PSMC2: variants seen among roughly 807,000 people sequenced by gnomAD.
PSMC2 encodes proteasome 26S subunit, ATPase 2, also known as 26S proteasome regulatory subunit 7.
PSMC2 carries 7 observed loss-of-function variants against 53.3 expected under a neutral mutation model. The ratio of observed to expected loss-of-function variants is 0.13; its 90% CI spans 0.07 to 0.25. The LOEUF is 0.25. Among genes scored for constraint, PSMC2 ranks in the 10% least tolerant of loss-of-function variants. The pLI, the probability that PSMC2 is intolerant of heterozygous loss-of-function variation, is 1.00. For synonymous variants in PSMC2, 169 were observed against 183.9 expected, an observed-to-expected ratio of 0.92 and a Z score of 0.66; for missense variants, 241 against 544.0, an observed-to-expected ratio of 0.44 and a Z score of 5.54.
rs1820827288 is a variant in PSMC2, at chr7:103,368,278, C to T, written c.*224C>T. ...GACCCACACCCGTTTAAGGATTTCACATCATACAAAGCGCTTGCTTAGATG... is the reference window on the plus strand; with the variant it reads ...GACCCACACCCGTTTAAGGATTTCATATCATACAAAGCGCTTGCTTAGATG... On this transcript the variant is annotated 3_prime_UTR_variant, in exon 12 of 12. Coordinates refer to ENST00000292644, the MANE Select transcript of PSMC2 (RefSeq NM_002803.4). 2.2e-6 allele frequency: 1 copy of T among 462,314 alleles called. No homozygotes were observed. Among genetic ancestry groups the T allele is most frequent in the Admixed American group, 3.8e-5 (1 of 25,992 alleles). 28.6% of individuals were successfully genotyped at this position (462,314 alleles called of 1,614,324 possible).
At position 103,367,186 on chromosome 7, in the gene PSMC2, G is replaced by A. The variant is rs1218555922; in HGVS notation, c.845-227G>A. On this transcript the variant is annotated intron_variant, in intron 9 of 11. Transcript: ENST00000292644. The surrounding 1 kb of genome is among the most constrained non-coding windows in gnomAD (Gnocchi z 6.1). The stretch of plus-strand genomic sequence containing the variant: ...AAAACACTAAACTGCCCCATAGGCA[G>A]TTTAAAAAACGTTAAGTAAATCTGT... Among the ~76,000 whole-genome samples, 1 of 152,152 alleles carries A rather than the reference G, an allele frequency of 6.6e-6. No homozygotes were observed. Among genetic ancestry groups the A allele is most frequent in the Middle Eastern group, 3.2e-3 (1 of 316 alleles).
At chr7:103,348,770 A>G in intron 1 of PSMC2, 1 of 1,027,428 alleles carries the variant, frequency 9.7e-7, no homozygotes, top group Non-Finnish European at 1.5e-6. Context: ...AAGTTGGACT[A>G]AGTGATCTTC....
intron 7 of PSMC2, 114 bp downstream of exon 7, chr7:103,363,553 T>G (rs1820530623): frequency 1.3e-5 from 12 of 917,860 alleles, no homozygotes. Context: ...TAATGAGAGT[T>G]TTTTGAGAGG....
At chr7:103,352,786 G>A (rs1819794432) in intron 1 of PSMC2, 1 of 776,424 alleles carries the variant, frequency 1.3e-6, no homozygotes, top group Non-Finnish European at 2.4e-6. Context: ...GAAGTGTTAA[G>A]TGACTTGGCT....
At chr7:103,365,967 G>A (rs1444211212) in intron 8 of PSMC2, 109 bp from the exon 9 acceptor site, 1 of 848,260 alleles carries the variant, frequency 1.2e-6, no homozygotes, top group Admixed American at 2.7e-5. Context: ...GTAATAATGG[G>A]TGAGAATACT....
intron 1 of PSMC2, among the ~76,000 whole-genome samples, chr7:103,350,314 A>G (rs1170523528): frequency 6.6e-6 from 1 of 152,180 alleles, no homozygotes; most frequent in Admixed American, 6.5e-5. Context: ...AGTTTTGTCT[A>G]ATAAATTCTG....
In PSMC2 at chr7:103,364,267, G is replaced by A; in HGVS notation, c.716G>A (p.Arg239Gln). Residue 239 changes from arginine (R) to glutamine (Q), a missense_variant, in exon 8 of 12, where the codon CGA (arginine) becomes CAA (glutamine). By Grantham distance (43) the Arg-to-Gln change is conservative (BLOSUM62 1). This residue lies in a region of PSMC2 where 26 missense variants were observed against 104.7 expected (regional missense o/e 0.25). Coordinates refer to ENST00000292644, the MANE Select transcript of PSMC2 (RefSeq NM_002803.4). ...AATCGGACTGATGCGTGCTTCATTC[G>A]AGTTATTGGATCTGAGCTTGTACAG... ...VANRTDACFI[R>Q]VIGSELVQKY... 1 of 1,614,178 alleles carries A rather than the reference G, an allele frequency of 6.2e-7. No homozygotes were observed.
In PSMC2 at chr7:103,367,613, G is replaced by C; in HGVS notation, c.1045G>C (p.Glu349Gln). ...AATTGAATTTAGCTTGCCCGATCTA[G>C]AGGTAAGAAAACCATTTCATTTTAG... ...RKIEFSLPDL[E>Q]GRTHIFKIHA... The change falls in exon 10 of 12, where the codon GAG becomes CAG. Residue 349 changes from glutamate to glutamine, a missense_variant and splice_region_variant. Glu to Gln is a conservative substitution (Grantham distance 29). Around this residue, in one of 6 missense-constraint regions of PSMC2, gnomAD observed 60 missense variants for 115.8 expected, o/e 0.52. Coordinates refer to ENST00000292644, the MANE Select transcript of PSMC2 (RefSeq NM_002803.4). This position sits in a 1 kb window ranked among gnomAD's most constrained non-coding sequence, Gnocchi z 6.1. The C allele has an allele frequency of 6.2e-7, 1 of 1,613,894 alleles. No homozygotes were observed. Among genetic ancestry groups the C allele is most frequent in the African/African-American group, 1.3e-5 (1 of 75,048 alleles).
intron 8 of PSMC2, 60 bp downstream of exon 8, chr7:103,364,367 A>C (rs1329376077): frequency 5.7e-6 from 9 of 1,577,914 alleles, no homozygotes; most frequent in Middle Eastern, 3.4e-4. Context: ...TATGAATGAA[A>C]TTAAAAATGG....
At chr7:103,348,689 T>A in intron 1 of PSMC2, 3 of 1,590,696 alleles carry the variant, frequency 1.9e-6, no homozygotes, top group Non-Finnish European at 2.6e-6. Flanking sequence ...CGGCACGGTC[T>A]GATCCGGAAA....
intron 4 of PSMC2, among the ~76,000 whole-genome samples, chr7:103,357,171 C>A (rs934723208): frequency 2.0e-5 from 3 of 151,848 alleles, no homozygotes; most frequent in African/African-American, 7.3e-5. Context: ...ACTAAAAATA[C>A]AAAAATTAAC....
chr7:103,355,800 A>G lies in PSMC2; in HGVS notation c.290+7A>G, dbSNP rs777282950. On this transcript the variant is annotated splice_region_variant and intron_variant, in intron 4 of 11. Transcript: ENST00000292644. ...AGCCTTTACAGGTTGCCAGGTATGC[A>G]CGGGTGCTCTGTGGCAACTTACCTT... 2 of 1,598,726 alleles carry G rather than the reference A, an allele frequency of 1.3e-6. No homozygotes were observed. Among genetic ancestry groups the G allele is most frequent in the Non-Finnish European group, 1.7e-6 (2 of 1,167,084 alleles).
At chr7:103,349,124 A>T (rs1819671391) in intron 1 of PSMC2, among the ~76,000 whole-genome samples, 1 of 151,936 alleles carries the variant, frequency 6.6e-6, no homozygotes, top group African/African-American at 2.4e-5. Flanking sequence ...GGTATTTCTT[A>T]TGTTTCTTCT....
rs769618353 is a variant in PSMC2, at chr7:103,352,215, T to TAAAAAAAAAAA, written c.71-1685_71-1675dup. Among the ~76,000 whole-genome samples the TAAAAAAAAAAA allele has an allele frequency of 1.2e-4, 5 of 40,622 alleles. 2 individuals are homozygous for TAAAAAAAAAAA. The highest frequency in any genetic ancestry group is 1.7e-4 in the Non-Finnish European group (4 of 23,126). 26.6% of individuals were successfully genotyped at this position (40,622 alleles called of 152,430 possible). On this transcript the variant is annotated intron_variant, in intron 1 of 11. Coordinates refer to ENST00000292644, the MANE Select transcript of PSMC2 (RefSeq NM_002803.4). Reference sequence around the variant, plus strand: ...TTTCCTACCTCTACTCATACTTAGTTAAAAAAAAAAAAAAAAAAAAAAAAA... The same window carrying TAAAAAAAAAAA: ...TTTCCTACCTCTACTCATACTTAGTTAAAAAAAAAAAAAAAAAAAAAAAAAAAAAAAAAAAA...
At chr7:103,363,986 C>G (rs1444580751) in intron 7 of PSMC2, among the ~76,000 whole-genome samples, 157 bp from the exon 8 acceptor site, 1 of 152,062 alleles carries the variant, frequency 6.6e-6, no homozygotes, top group East Asian at 1.9e-4. Context: ...TTATTTAGTT[C>G]AAGTATGTAT....
At chr7:103,349,549 A>T (rs1819681526) in intron 1 of PSMC2, among the ~76,000 whole-genome samples, 1 of 152,024 alleles carries the variant, frequency 6.6e-6, no homozygotes, top group Admixed American at 6.6e-5. Flanking sequence ...CCTGGGTTCA[A>T]GGGATTCTCC....
At chr7:103,363,935 AG>A (rs1396579992) in intron 7 of PSMC2, among the ~76,000 whole-genome samples, 6 of 152,238 alleles carry the variant, frequency 3.9e-5, no homozygotes, top group Non-Finnish European at 5.9e-5. Flanking sequence ...TATTGATAGA[AG>A]TCCAGTTTAG....
intron 4 of PSMC2, 41 bp from the exon 5 acceptor site, chr7:103,361,916 G>T: frequency 6.4e-7 from 1 of 1,573,058 alleles, no homozygotes; most frequent in Non-Finnish European, 8.6e-7. Context: ...ATTATTAGTG[G>T]CTTAGGTTCC....
intron 1 of PSMC2, chr7:103,348,531 TA>T: frequency 2.9e-6 from 2 of 695,010 alleles, no homozygotes; most frequent in Admixed American, 4.0e-5. Flanking sequence ...GATGGACGTG[TA>T]GATTTTTCCA....
Sources: gnomAD v4.1 joint callset for allele counts (sites outside exome capture counted in the v4.1 genomes callset) on GRCh38, gnomAD v4.1.1 for gene constraint, gnomAD v4.1.1 regional missense constraint, Gnocchi (gnomAD v3.1) non-coding constraint, MANE v1.5 for transcripts, NCBI Gene and HGNC (gene_info 2026-07-23, HGNC 2026-07-21) for gene names.